SEMA3E: variants seen among roughly 807,000 people sequenced by gnomAD.
SEMA3E encodes semaphorin-3E.
SEMA3E carries 49 observed loss-of-function variants against 93.6 expected under a neutral mutation model. The ratio of observed to expected loss-of-function variants is 0.52; its 90% CI spans 0.42 to 0.66. The LOEUF (loss-of-function observed/expected upper bound fraction) is 0.66. Ranked by LOEUF, SEMA3E falls within the 30% of genes least tolerant of loss-of-function variation. The pLI, the probability that SEMA3E is intolerant of heterozygous loss-of-function variation, is 0.00. For missense variants in SEMA3E, 906 were observed against 964.8 expected (o/e 0.94, Z 0.81); for synonymous variants, 363 against 330.7 (o/e 1.10, Z -1.06).
chr7:83,491,143 T>A (rs1214339599), intron 1 of SEMA3E, among the ~76,000 whole-genome samples: 1 of 152,088 alleles, frequency 6.6e-6, no homozygotes, highest in Non-Finnish European at 1.5e-5. Context: ...ACAGAGAATG[T>A]GAATTCTTAG....
chr7:83,648,756 C>G lies in SEMA3E; in HGVS notation c.-214G>C, dbSNP rs1794113878. Reference sequence around the variant, plus strand: ...GGGACAGTTGTTTATAAGCCGGGAGCAAGAGGACATTCCAAAGAGTGAGTC... The same window carrying G: ...GGGACAGTTGTTTATAAGCCGGGAGGAAGAGGACATTCCAAAGAGTGAGTC... On this transcript the variant is annotated 5_prime_UTR_variant, in exon 1 of 17. Coordinates refer to ENST00000643230, the MANE Select transcript of SEMA3E (RefSeq NM_012431.3). The G allele has an allele frequency of 1.6e-6, 1 of 613,864 alleles. No homozygotes were observed. The highest frequency in any genetic ancestry group is 2.4e-5 in the Admixed American group (1 of 42,314). The allele number at this position is 613,864 out of a possible 1,614,324, so 38.0% of individuals were successfully genotyped here. A position where few individuals can be genotyped will look rare whatever the true frequency, so the allele number is the denominator to read the frequency against.
intron 1 of SEMA3E, among the ~76,000 whole-genome samples, chr7:83,573,133 AT>A (rs1315132564): frequency 2.6e-5 from 4 of 152,164 alleles, no homozygotes; most frequent in Non-Finnish European, 4.4e-5. Flanking sequence ...GACAGAAAAT[AT>A]TCACAAGCTA....
intron 1 of SEMA3E, among the ~76,000 whole-genome samples, chr7:83,630,099 C>T (rs1793757108): frequency 1.3e-5 from 2 of 152,174 alleles, no homozygotes; most frequent in South Asian, 4.1e-4. Flanking sequence ...CTTCGGCTCA[C>T]CCTCTGTGGG....
Position 83,552,869 on chromosome 7 carries a change from C to A in SEMA3E, c.116-62595G>T, listed in dbSNP as rs61561671. ...AATACATGCACTGCTGAACATAGAACCTTATCAGTAGTTCTGCTTTTGCCC... is the reference window on the plus strand; with the variant it reads ...AATACATGCACTGCTGAACATAGAAACTTATCAGTAGTTCTGCTTTTGCCC... On this transcript the variant is annotated intron_variant, in intron 1 of 16. Transcript: ENST00000643230. Among the ~76,000 whole-genome samples, 1,263 of 152,222 alleles carry A rather than the reference C, an allele frequency of 8.3e-3. 19 individuals carry two copies. The highest frequency in any genetic ancestry group is 0.028 in the African/African-American group (1,172 of 41,536).
intron 4 of SEMA3E, among the ~76,000 whole-genome samples, chr7:83,464,891 A>C (rs890618698): frequency 4.7e-5 from 7 of 150,202 alleles, no homozygotes; most frequent in African/African-American, 1.7e-4. Flanking sequence ...CCGCCCCAAC[A>C]CTTCAACACT....
intron 2 of SEMA3E, among the ~76,000 whole-genome samples, chr7:83,488,615 A>G (rs188593996): frequency 2.2e-3 from 338 of 152,264 alleles, no homozygotes; most frequent in Non-Finnish European, 3.7e-3. Flanking sequence ...TGCAAGACTC[A>G]ACACTGGACT....
intron 1 of SEMA3E, among the ~76,000 whole-genome samples, chr7:83,542,860 T>A (rs1471738670): frequency 4.6e-5 from 7 of 152,172 alleles, no homozygotes; most frequent in African/African-American, 1.2e-4. Context: ...ACATGGTAGA[T>A]CTTGAAAAAC....
At position 83,539,679 on chromosome 7, in the gene SEMA3E, C is replaced by G. The variant is rs545986845; in HGVS notation, c.116-49405G>C. Reference sequence around the variant, plus strand: ...TCCTAATGTCATCACTGCCATGTTTCCTATCCCATTCTCTTTTCCTAATAT... The same window carrying G: ...TCCTAATGTCATCACTGCCATGTTTGCTATCCCATTCTCTTTTCCTAATAT... On this transcript the variant is annotated intron_variant, in intron 1 of 16. Transcript: ENST00000643230. Among the ~76,000 whole-genome samples the G allele has an allele frequency of 1.7e-4, 26 of 152,196 alleles. No individual in the cohort carries two copies. In the South Asian group the frequency reaches 5.4e-3, roughly 32 times the overall value.
chr7:83,594,468 T>C (rs1792826010), intron 1 of SEMA3E, among the ~76,000 whole-genome samples: 1 of 152,112 alleles, frequency 6.6e-6, no homozygotes. Context: ...TGCTGGAATT[T>C]AAAGGACTGA....
At chr7:83,491,127 C>A (rs973812513) in intron 1 of SEMA3E, among the ~76,000 whole-genome samples, 25 of 152,056 alleles carry the variant, frequency 1.6e-4, no homozygotes, top group Admixed American at 1.6e-3. Context: ...ATGCCTAATG[C>A]ATCTAACAGA....
At chr7:83,471,347 C>G (rs1304087647) in intron 2 of SEMA3E, among the ~76,000 whole-genome samples, 1 of 144,650 alleles carries the variant, frequency 6.9e-6, no homozygotes, top group Non-Finnish European at 1.5e-5. Context: ...GAAATCTGCA[C>G]TAGTATAGAC....
chr7:83,462,318 A>G (rs971093668), intron 4 of SEMA3E, among the ~76,000 whole-genome samples: 5 of 152,124 alleles, frequency 3.3e-5, no homozygotes, highest in African/African-American at 1.2e-4. Flanking sequence ...ATTGACAGCT[A>G]GGCTTCTAAA....
rs192413907 is a variant in SEMA3E, at chr7:83,583,127, T to C, written c.115+65301A>G. ...TAGTGAATTGTTTAATCAAGTGATA[T>C]AGACCTTTTGTGTAATATTTATGTA... On this transcript the variant is annotated intron_variant, in intron 1 of 16. Coordinates refer to ENST00000643230, the MANE Select transcript of SEMA3E (RefSeq NM_012431.3). Among the ~76,000 whole-genome samples the C allele has an allele frequency of 6.3e-3, 961 of 152,292 alleles. 4 individuals carry two copies. Among genetic ancestry groups the C allele is most frequent in the Middle Eastern group, 0.014 (4 of 294 alleles).
At chr7:83,388,327 A>T (rs1787925923) in intron 14 of SEMA3E, among the ~76,000 whole-genome samples, 1 of 147,066 alleles carries the variant, frequency 6.8e-6, no homozygotes, top group East Asian at 2.0e-4. Flanking sequence ...AAAAATAAAA[A>T]AAAATATATA....
intron 1 of SEMA3E, among the ~76,000 whole-genome samples, chr7:83,495,125 T>G (rs1790462882): frequency 1.3e-5 from 2 of 151,936 alleles, no homozygotes; most frequent in African/African-American, 4.8e-5. Context: ...TAAGTTGGCC[T>G]GCTGTCGATA....
Position 83,648,607 on chromosome 7 carries a change from A to T in SEMA3E, c.-65T>A. On this transcript the variant is annotated 5_prime_UTR_variant, in exon 1 of 17. Transcript: ENST00000643230. Reference sequence around the variant, plus strand: ...AAGGAGGGTCTGAGTTTTACTTAGGACTTCCCTCCAGGGGCAGCGTGCGAG... The same window carrying T: ...AAGGAGGGTCTGAGTTTTACTTAGGTCTTCCCTCCAGGGGCAGCGTGCGAG... The T allele has an allele frequency of 8.2e-7, 1 of 1,217,534 alleles. No homozygotes were observed. Among genetic ancestry groups the T allele is most frequent in the Non-Finnish European group, 1.2e-6 (1 of 830,804 alleles). The allele number at this position is 1,217,534 out of a possible 1,614,324, so 75.4% of individuals were successfully genotyped here. A position where few individuals can be genotyped will look rare whatever the true frequency, so the allele number is the denominator to read the frequency against.
At chr7:83,585,441 T>C (rs1316325476) in intron 1 of SEMA3E, among the ~76,000 whole-genome samples, 1 of 152,186 alleles carries the variant, frequency 6.6e-6, no homozygotes, top group African/African-American at 2.4e-5. Context: ...ACTCCATCAA[T>C]GGTGAATAAG....
intron 4 of SEMA3E, among the ~76,000 whole-genome samples, chr7:83,426,079 G>T (rs1461839923): frequency 6.6e-6 from 1 of 152,150 alleles, no homozygotes; most frequent in East Asian, 1.9e-4. Flanking sequence ...AATAATAGGT[G>T]CTGGTGAGGT....
intron 1 of SEMA3E, among the ~76,000 whole-genome samples, chr7:83,549,518 T>C (rs942903753): frequency 6.6e-6 from 1 of 152,124 alleles, no homozygotes. Context: ...CCCATTCGTA[T>C]CATTAAAATT....
Sources: gnomAD v4.1 joint callset for allele counts (sites outside exome capture counted in the v4.1 genomes callset) on GRCh38, gnomAD v4.1.1 for gene constraint, MANE v1.5 for transcripts, NCBI Gene and HGNC (gene_info 2026-07-23, HGNC 2026-07-21) for gene names.